Variants in INPP4B observed in about 807,000 individuals in gnomAD.
INPP4B encodes the protein inositol polyphosphate 4-phosphatase type II.
INPP4B carries 55 observed loss-of-function variants against 122.5 expected under a neutral mutation model. The ratio of observed to expected loss-of-function variants is 0.45; its 90% CI spans 0.36 to 0.56. INPP4B has a LOEUF of 0.56. Among genes scored for constraint, INPP4B ranks in the 20% least tolerant of loss-of-function variants. INPP4B has a pLI of 0.00. For missense variants in INPP4B, 1,000 were observed against 1,097.7 expected, an observed-to-expected ratio of 0.91 and a Z score of 1.26; for synonymous variants, 403 against 388.7, an observed-to-expected ratio of 1.04 and a Z score of -0.43.
chr4:142,618,120 A>T (rs2150362005), intron 2 of INPP4B, among the ~76,000 whole-genome samples: 1 of 152,258 alleles, frequency 6.6e-6, no homozygotes, highest in African/African-American at 2.4e-5. Context: ...AGAAATGAAT[A>T]TTGAAAGACT....
At chr4:142,845,728 CCGGCGGCGGCGG>C (rs78589959) in intron 1 of INPP4B, among the ~76,000 whole-genome samples, 8 of 151,330 alleles carry the variant, frequency 5.3e-5, no homozygotes, top group East Asian at 2.0e-4. Flanking sequence ...TCTTCCCAGG[CCGGCGGCGGCGG>C]CGGCGGCGGC....
intron 9 of INPP4B, among the ~76,000 whole-genome samples, chr4:142,282,647 C>T (rs1305183339): frequency 1.3e-5 from 2 of 152,100 alleles, no homozygotes; most frequent in African/African-American, 4.8e-5. Flanking sequence ...CAGGATAACA[C>T]TCAGTCTCAA....
chr4:142,580,893 A>G (rs1469995541), intron 2 of INPP4B, among the ~76,000 whole-genome samples: 1 of 152,058 alleles, frequency 6.6e-6, no homozygotes, highest in African/African-American at 2.4e-5. Context: ...ATGCATTGTT[A>G]TATGGAACTA....
chr4:142,583,752 A>G (rs1391878773), intron 2 of INPP4B: 1 of 152,184 alleles, frequency 6.6e-6, no homozygotes, highest in East Asian at 1.9e-4. Flanking sequence ...TGGAATCAAG[A>G]AACAATATTA....
At chr4:142,375,285 C>CT (rs1227610383) in intron 7 of INPP4B, among the ~76,000 whole-genome samples, 1 of 151,764 alleles carries the variant, frequency 6.6e-6, no homozygotes, top group East Asian at 1.9e-4. Flanking sequence ...CTCCCCCACC[C>CT]TTTTTTTCTT....
chr4:142,445,543 A>C (rs2149471859), intron 3 of INPP4B, among the ~76,000 whole-genome samples: 1 of 152,306 alleles, frequency 6.6e-6, no homozygotes, highest in Admixed American at 6.5e-5. Flanking sequence ...TGTACCTAAA[A>C]ATTTCATAAC....
At chr4:142,622,390 C>T (rs574418401) in intron 2 of INPP4B, among the ~76,000 whole-genome samples, 2 of 151,690 alleles carry the variant, frequency 1.3e-5, no homozygotes, top group South Asian at 4.2e-4. Context: ...TGCCCAGGTG[C>T]TCCCAACATC....
At chr4:142,363,856 C>T (rs1431901319) in intron 7 of INPP4B, among the ~76,000 whole-genome samples, 1 of 152,020 alleles carries the variant, frequency 6.6e-6, no homozygotes, top group African/African-American at 2.4e-5. Context: ...CATCTGCATT[C>T]CTCAAGATGG....
At chr4:142,763,403 TC>T (rs1771629049) in intron 1 of INPP4B, among the ~76,000 whole-genome samples, 1 of 152,150 alleles carries the variant, frequency 6.6e-6, no homozygotes, top group African/African-American at 2.4e-5. Flanking sequence ...TAATTAATGT[TC>T]CCCCTTGATT....
At chr4:142,546,185 G>T (rs1290042815) in intron 2 of INPP4B, among the ~76,000 whole-genome samples, 1 of 152,012 alleles carries the variant, frequency 6.6e-6, no homozygotes, top group Admixed American at 6.6e-5. Context: ...AGAACATGTA[G>T]TATTTGTTTT....
At chr4:142,546,042 C>T (rs56039025) in intron 2 of INPP4B, among the ~76,000 whole-genome samples, 17,934 of 151,646 alleles carry the variant, frequency 0.12, 1,145 homozygotes, top group African/African-American at 0.15. Flanking sequence ...AGGTATTAAG[C>T]CTAGTACTGA....
intron 18 of INPP4B, among the ~76,000 whole-genome samples, chr4:142,134,290 C>A (rs1018766823): frequency 3.3e-5 from 5 of 152,108 alleles, no homozygotes; most frequent in African/African-American, 1.2e-4. Flanking sequence ...ATGTAAATGG[C>A]TTGACAAAGG....
intron 2 of INPP4B, among the ~76,000 whole-genome samples, chr4:142,695,352 A>G (rs927596817): frequency 1.3e-5 from 2 of 152,176 alleles, no homozygotes; most frequent in African/African-American, 4.8e-5. Context: ...ATCCCAAAAC[A>G]AACCTTCTGC....
intron 7 of INPP4B, among the ~76,000 whole-genome samples, chr4:142,364,467 A>AT (rs1465238507): frequency 1.3e-5 from 2 of 152,098 alleles, no homozygotes; most frequent in African/African-American, 4.8e-5. Context: ...TCCCTAATAG[A>AT]TATTGGGGTT....
At chr4:142,378,546 G>A (rs1049263395) in intron 7 of INPP4B, among the ~76,000 whole-genome samples, 7 of 152,156 alleles carry the variant, frequency 4.6e-5, no homozygotes, top group Non-Finnish European at 1.0e-4. Context: ...AGGGAAGGCA[G>A]AATGGGAAGG....
intron 5 of INPP4B, among the ~76,000 whole-genome samples, chr4:142,414,804 A>G (rs950100232): frequency 6.6e-6 from 1 of 152,222 alleles, no homozygotes; most frequent in Non-Finnish European, 1.5e-5. Flanking sequence ...CTATCGTTGC[A>G]TTCAGACTTG....
chr4:142,657,722 T>C (rs933986748), intron 2 of INPP4B, among the ~76,000 whole-genome samples: 2 of 152,226 alleles, frequency 1.3e-5, no homozygotes, highest in African/African-American at 4.8e-5. Flanking sequence ...GTAAACATAT[T>C]GACTAAATAG....
chr4:142,274,806 T>C (rs569084143), intron 9 of INPP4B, among the ~76,000 whole-genome samples: 23 of 151,950 alleles, frequency 1.5e-4, no homozygotes, highest in Admixed American at 1.2e-3. Flanking sequence ...TTTCAGATAG[T>C]GTATTGCCAG....
chr4:142,637,506 A>T (rs1355803204), intron 2 of INPP4B, among the ~76,000 whole-genome samples: 3 of 152,134 alleles, frequency 2.0e-5, no homozygotes, highest in Admixed American at 6.5e-5. Context: ...AATTTCTTCC[A>T]TGTATTGTCA....
Sources: gnomAD v4.1 joint callset for allele counts (sites outside exome capture counted in the v4.1 genomes callset) on GRCh38, gnomAD v4.1.1 for gene constraint, MANE v1.5 for transcripts, NCBI Gene and HGNC (gene_info 2026-07-23, HGNC 2026-07-21) for gene names.